Variants in THSD7A observed in about 807,000 individuals in gnomAD.
THSD7A encodes the protein thrombospondin type 1 domain containing 7A.
In THSD7A, 96 loss-of-function variants were observed where a neutral mutation model predicts 231.3. The observed-to-expected ratio is 0.41, with a 90% CI of 0.35 to 0.49. The LOEUF is 0.49. THSD7A is among the 20% of genes least tolerant of loss of function. The pLI, the probability that THSD7A is intolerant of heterozygous loss-of-function variation, is 0.05. For missense variants in THSD7A, 2,290 were observed against 2,070.2 expected, an observed-to-expected ratio of 1.11 and a Z score of -2.06; for synonymous variants, 940 against 743.3, an observed-to-expected ratio of 1.26 and a Z score of -4.30.
intron 1 of THSD7A, among the ~76,000 whole-genome samples, chr7:11,656,879 A>T (rs1011931421): frequency 1.3e-5 from 2 of 151,872 alleles, no homozygotes; most frequent in Non-Finnish European, 2.9e-5. Context: ...AATATAGAAA[A>T]ACAAAGGACA....
intron 6 of THSD7A, among the ~76,000 whole-genome samples, chr7:11,498,201 C>T (rs1228579447): frequency 2.0e-5 from 3 of 152,162 alleles, no homozygotes; most frequent in Non-Finnish European, 1.5e-5. Context: ...CATGGCACCT[C>T]ATATGATAAG....
At chr7:11,785,303 C>T (rs561445225) in intron 1 of THSD7A, among the ~76,000 whole-genome samples, 19 of 152,128 alleles carry the variant, frequency 1.2e-4, no homozygotes, top group African/African-American at 4.6e-4. Flanking sequence ...TAGGCGCATT[C>T]ATTATACACT....
At chr7:11,499,326 A>G (rs1172595065) in intron 6 of THSD7A, among the ~76,000 whole-genome samples, 2 of 152,180 alleles carry the variant, frequency 1.3e-5, no homozygotes, top group Non-Finnish European at 2.9e-5. Flanking sequence ...TCTGACTCTC[A>G]GGAGTCAAGC....
intron 7 of THSD7A, 37 bp downstream of exon 7, chr7:11,481,751 A>C: frequency 6.5e-7 from 1 of 1,534,954 alleles, no homozygotes; most frequent in South Asian, 1.3e-5. Flanking sequence ...CTAACTTTTG[A>C]AACGAACCTA....
intron 4 of THSD7A, among the ~76,000 whole-genome samples, chr7:11,573,472 G>T (rs1790739840): frequency 6.6e-6 from 1 of 152,224 alleles, no homozygotes; most frequent in Non-Finnish European, 1.5e-5. Flanking sequence ...TGGCAAGAAA[G>T]AGCTCCCAGT....
intron 1 of THSD7A, among the ~76,000 whole-genome samples, chr7:11,796,636 C>CAT (rs10659243): frequency 0.26 from 39,142 of 151,140 alleles, 6,446 homozygotes; most frequent in African/African-American, 0.47. Context: ...AAGTATTTCA[C>CAT]GTTTATTACT....
intron 1 of THSD7A, among the ~76,000 whole-genome samples, chr7:11,760,922 A>C (rs924348964): frequency 1.3e-5 from 2 of 149,656 alleles, no homozygotes; most frequent in African/African-American, 4.9e-5. Context: ...TTTAAAACAC[A>C]AATAAAAATT....
chr7:11,411,604 C>G lies in THSD7A; in HGVS notation c.3683-282G>C, dbSNP rs528732069. ...GGTGACACTGTGAAAATGGCTTTGG[C>G]TTACAGATCAATGTCACTTAAAAAC... On this transcript the variant is annotated intron_variant, in intron 18 of 27. Coordinates refer to ENST00000423059, the MANE Select transcript of THSD7A (RefSeq NM_015204.3). The surrounding 1 kb of genome is among the most constrained non-coding windows in gnomAD (Gnocchi z 4.1). 1.3e-5 allele frequency among the ~76,000 whole-genome samples: 2 copies of G among 152,280 alleles called. No individual in the cohort carries two copies. Among genetic ancestry groups the G allele is most frequent in the East Asian group, 1.9e-4 (1 of 5,180 alleles).
intron 4 of THSD7A, among the ~76,000 whole-genome samples, chr7:11,569,732 C>A (rs1349575703): frequency 6.6e-6 from 1 of 152,196 alleles, no homozygotes; most frequent in African/African-American, 2.4e-5. Flanking sequence ...ATGTTTATGG[C>A]AGCACTATTC....
At chr7:11,604,649 AT>A (rs1780676627) in intron 2 of THSD7A, among the ~76,000 whole-genome samples, 1 of 152,166 alleles carries the variant, frequency 6.6e-6, no homozygotes, top group Non-Finnish European at 1.5e-5. Flanking sequence ...CAGGCCTGGA[AT>A]TCAAACTATT....
intron 6 of THSD7A, among the ~76,000 whole-genome samples, chr7:11,516,104 G>A (rs1276760805): frequency 6.6e-6 from 1 of 151,526 alleles, no homozygotes; most frequent in African/African-American, 2.4e-5. Flanking sequence ...TATTATTTGT[G>A]TGCATCTTTA....
At chr7:11,809,946 A>G (rs1323122209) in intron 1 of THSD7A, among the ~76,000 whole-genome samples, 2 of 152,168 alleles carry the variant, frequency 1.3e-5, no homozygotes, top group African/African-American at 2.4e-5. Context: ...AATGGGCTGT[A>G]TAAGAAAGTT....
intron 15 of THSD7A, among the ~76,000 whole-genome samples, chr7:11,425,255 T>G (rs73675998): frequency 0.059 from 8,927 of 152,190 alleles, 563 homozygotes; most frequent in African/African-American, 0.14. Context: ...ATGAATCAAA[T>G]AAGTATAAAA....
chr7:11,559,736 G>A (rs1790001794), intron 4 of THSD7A, among the ~76,000 whole-genome samples: 1 of 151,894 alleles, frequency 6.6e-6, no homozygotes, highest in African/African-American at 2.4e-5. Flanking sequence ...AACTGAATAG[G>A]AAACTAAAAA....
intron 23 of THSD7A, among the ~76,000 whole-genome samples, chr7:11,396,611 C>T (rs962136613): frequency 6.6e-6 from 1 of 152,148 alleles, no homozygotes; most frequent in African/African-American, 2.4e-5. Context: ...AGACCAATAA[C>T]AAGTTCTAAA....
intron 1 of THSD7A, among the ~76,000 whole-genome samples, chr7:11,789,530 G>C (rs189198311): frequency 2.0e-5 from 3 of 150,762 alleles, no homozygotes; most frequent in Non-Finnish European, 4.4e-5. Flanking sequence ...TTATGAATAA[G>C]GTTGAATATG....
At chr7:11,409,862 C>T (rs187415857) in intron 19 of THSD7A, among the ~76,000 whole-genome samples, 1 of 152,184 alleles carries the variant, frequency 6.6e-6, no homozygotes, top group South Asian at 2.1e-4. Context: ...CCTGCCTTAG[C>T]CTCCTGAGTA....
chr7:11,698,632 A>G (rs1034350618), intron 1 of THSD7A, among the ~76,000 whole-genome samples: 1 of 151,448 alleles, frequency 6.6e-6, no homozygotes, highest in Non-Finnish European at 1.5e-5. Flanking sequence ...TTGCACTTGA[A>G]GTTCTCTCTC....
chr7:11,536,195 G>T (rs1788908615), intron 6 of THSD7A, among the ~76,000 whole-genome samples: 1 of 152,140 alleles, frequency 6.6e-6, no homozygotes, highest in African/African-American at 2.4e-5. Context: ...CTCCTAAGTG[G>T]CAGCGGACTG....
Sources: gnomAD v4.1 joint callset for allele counts (sites outside exome capture counted in the v4.1 genomes callset) on GRCh38, gnomAD v4.1.1 for gene constraint, Gnocchi (gnomAD v3.1) non-coding constraint, MANE v1.5 for transcripts, NCBI Gene and HGNC (gene_info 2026-07-23, HGNC 2026-07-21) for gene names.